The following NTN1 variants were observed in gnomAD, a reference collection of about 807,000 sequenced individuals.
NTN1 encodes netrin 1.
Under a neutral mutation model 54.2 loss-of-function variants are expected in NTN1, and 11 were observed. The observed-to-expected ratio is 0.20, with a 90% CI of 0.13 to 0.34. The LOEUF is 0.34. NTN1 is among the 10% of genes least tolerant of loss of function. The pLI is 1.00. For missense variants in NTN1, 740 were observed against 893.1 expected, an observed-to-expected ratio of 0.83 and a Z score of 2.18; for synonymous variants, 371 against 382.0, an observed-to-expected ratio of 0.97 and a Z score of 0.33.
intron 5 of NTN1, among the ~76,000 whole-genome samples, chr17:9,198,420 G>A (rs1045802981): frequency 1.3e-5 from 2 of 152,224 alleles, no homozygotes; most frequent in African/African-American, 4.8e-5. Context: ...ATTCAGAGAA[G>A]GGTGCAAGTG....
chr17:9,012,927 T>C, the NTN1 span, among the ~76,000 whole-genome samples: 1 of 152,226 alleles, frequency 6.6e-6, no homozygotes, highest in African/African-American at 2.4e-5. Context: ...CTTTTCTTAG[T>C]AGCACATTGG....
At chr17:9,013,048 G>T in the NTN1 span, among the ~76,000 whole-genome samples, 9 of 152,022 alleles carry the variant, frequency 5.9e-5, no homozygotes, top group Non-Finnish European at 1.5e-5. Context: ...TGGTGTGTGT[G>T]TTGTGTGTGT....
At chr17:9,151,259 T>C (rs961951836) in intron 2 of NTN1, among the ~76,000 whole-genome samples, 2 of 152,150 alleles carry the variant, frequency 1.3e-5, no homozygotes, top group African/African-American at 4.8e-5. Flanking sequence ...CTTGTTACTG[T>C]AGTGTTTATT....
intron 2 of NTN1, among the ~76,000 whole-genome samples, chr17:9,100,630 A>G (rs910942552): frequency 3.3e-5 from 5 of 152,218 alleles, no homozygotes; most frequent in African/African-American, 9.6e-5. Flanking sequence ...TTATCTGGTC[A>G]GTAAGAACTA....
Position 9,211,564 on chromosome 17 carries a change from T to C in NTN1, c.1412-9604T>C, listed in dbSNP as rs1905107633. 6.6e-6 allele frequency among the ~76,000 whole-genome samples: 1 copy of C among 152,198 alleles called. No individual in the cohort carries two copies. Among genetic ancestry groups the C allele is most frequent in the African/African-American group, 2.4e-5 (1 of 41,452 alleles). On this transcript the variant is annotated intron_variant, in intron 5 of 6. Transcript: ENST00000173229. The surrounding 1 kb of genome is among the most constrained non-coding windows in gnomAD (Gnocchi z 4.4). ...GTGCTTCATCAAACGTTCGAATGAA[T>C]GGATGATAAATTCCTAGAAGTGCGG...
At chr17:9,158,688 C>A (rs1441726417) in intron 2 of NTN1, among the ~76,000 whole-genome samples, 1 of 152,212 alleles carries the variant, frequency 6.6e-6, no homozygotes, top group Non-Finnish European at 1.5e-5. Flanking sequence ...CCTCTCTGAG[C>A]AGGCCCCTGT....
chr17:9,109,116 C>A (rs2092180408), intron 2 of NTN1, among the ~76,000 whole-genome samples: 2 of 152,166 alleles, frequency 1.3e-5, no homozygotes, highest in Non-Finnish European at 2.9e-5. Flanking sequence ...ACCTCATGAT[C>A]CTCCCAACTT....
At position 9,243,214 on chromosome 17, in the gene NTN1, G is replaced by A. The variant is rs1261435479; in HGVS notation, c.*3246G>A. The A allele has an allele frequency of 6.6e-6, 1 of 152,208 alleles. No homozygotes were observed. The highest frequency in any genetic ancestry group is 1.5e-5 in the Non-Finnish European group (1 of 68,062). 9.4% of individuals were successfully genotyped at this position (152,208 alleles called of 1,614,324 possible). On this transcript the variant is annotated 3_prime_UTR_variant, in exon 7 of 7. Transcript: ENST00000173229. ...CTTCTGTCCTTGGAAAGCAGGGCAGGAGGCAGCATCCCCAGGGGCCTCTAT... is the reference window on the plus strand; with the variant it reads ...CTTCTGTCCTTGGAAAGCAGGGCAGAAGGCAGCATCCCCAGGGGCCTCTAT...
the NTN1 span, among the ~76,000 whole-genome samples, chr17:9,005,262 T>A: frequency 6.6e-6 from 1 of 152,166 alleles, no homozygotes; most frequent in Non-Finnish European, 1.5e-5. Flanking sequence ...GTTGGAAACA[T>A]CCTTCCACAG....
At chr17:9,213,947 T>C (rs1905163857) in intron 5 of NTN1, among the ~76,000 whole-genome samples, 1 of 152,232 alleles carries the variant, frequency 6.6e-6, no homozygotes, top group Admixed American at 6.5e-5. Context: ...TTATTTCTTG[T>C]TACTTCTTAA....
In NTN1 at chr17:9,163,050, C is replaced by G. The variant is rs1262951543; in HGVS notation, c.1207+49C>G. Reference sequence around the variant, plus strand: ...GGGGCTGGGGAGACCCGGGGAACATCAGTCCTCCCGCTCCCTCCTCGCTTC... The same window carrying G: ...GGGGCTGGGGAGACCCGGGGAACATGAGTCCTCCCGCTCCCTCCTCGCTTC... On this transcript the variant is annotated intron_variant, in intron 3 of 6. Transcript: ENST00000173229. 6 of 1,528,300 alleles carry G rather than the reference C, an allele frequency of 3.9e-6. 1 individual carries two copies. In the South Asian group the frequency reaches 6.0e-5, roughly 15 times the overall value. The allele number at this position is 1,528,300 out of a possible 1,614,324, so 94.7% of individuals were successfully genotyped here. A position where few individuals can be genotyped will look rare whatever the true frequency, so the allele number is the denominator to read the frequency against.
intron 6 of NTN1, among the ~76,000 whole-genome samples, chr17:9,226,937 G>A (rs10438743): frequency 0.059 from 8,995 of 151,978 alleles, 369 homozygotes; most frequent in South Asian, 0.098. Context: ...GGGAACTGGA[G>A]CATCCCAGCC....
At chr17:9,114,910 T>C (rs1214235782) in intron 2 of NTN1, among the ~76,000 whole-genome samples, 3 of 152,218 alleles carry the variant, frequency 2.0e-5, no homozygotes, top group Non-Finnish European at 4.4e-5. Context: ...TGTCTGTTCA[T>C]GTCTGTCTTT....
intron 3 of NTN1, 21 bp downstream of exon 3, chr17:9,163,022 C>CG: frequency 6.5e-7 from 1 of 1,527,676 alleles, no homozygotes; most frequent in East Asian, 2.3e-5. Context: ...CGTGGCGGGG[C>CG]GGGGGGCTGG....
chr17:9,222,691 G>A (rs1905400646), intron 6 of NTN1, among the ~76,000 whole-genome samples: 1 of 152,144 alleles, frequency 6.6e-6, no homozygotes, highest in African/African-American at 2.4e-5. Flanking sequence ...TCCCTTCCCT[G>A]ACCCCGTGGG....
At chr17:9,023,995 A>G (rs1352922125) in intron 2 of NTN1, among the ~76,000 whole-genome samples, 4 of 152,286 alleles carry the variant, frequency 2.6e-5, no homozygotes, top group Non-Finnish European at 1.5e-5. Context: ...TGTGATTTCA[A>G]TTAATTACTA....
rs574694725 is a variant in NTN1 at position 9,196,274 on chromosome 17, C to T, written c.1411+13305C>T. On this transcript the variant is annotated intron_variant, in intron 5 of 6. Transcript: ENST00000173229. Reference sequence around the variant, plus strand: ...ATTTGCACCAAGGAGGGTGCTCAACCCTAGGGTAGGAAAGAAAAGAGGAGA... The same window carrying T: ...ATTTGCACCAAGGAGGGTGCTCAACTCTAGGGTAGGAAAGAAAAGAGGAGA... 2.0e-5 allele frequency among the ~76,000 whole-genome samples: 3 copies of T among 152,246 alleles called. No individual in the cohort carries two copies. The South Asian group carries it at 6.2e-4, about 32-fold the overall frequency.
chr17:9,220,018 C>G (rs1335325950), intron 5 of NTN1, among the ~76,000 whole-genome samples: 1 of 152,252 alleles, frequency 6.6e-6, no homozygotes, highest in Non-Finnish European at 1.5e-5. Flanking sequence ...CCTGGCTGGT[C>G]TTCCCCCAGG....
chr17:9,055,813 C>T lies in NTN1; in HGVS notation c.1018+32422C>T, dbSNP rs139550600. ...CATGGCTCACTGCAGCCTCAACCTC[C>T]CAGGCTCGGGTGATCCTCCTGCCTC... On this transcript the variant is annotated intron_variant, in intron 2 of 6. Coordinates refer to ENST00000173229, the MANE Select transcript of NTN1 (RefSeq NM_004822.3). Among the ~76,000 whole-genome samples the T allele has an allele frequency of 3.8e-3, 576 of 152,276 alleles. 4 individuals are homozygous for T. Among genetic ancestry groups the T allele is most frequent in the African/African-American group, 0.011 (466 of 41,556 alleles).
Sources: gnomAD v4.1 joint callset for allele counts (sites outside exome capture counted in the v4.1 genomes callset) on GRCh38, gnomAD v4.1.1 for gene constraint, Gnocchi (gnomAD v3.1) non-coding constraint, MANE v1.5 for transcripts, NCBI Gene and HGNC (gene_info 2026-07-23, HGNC 2026-07-21) for gene names.